The following LRATD1 variants were observed in gnomAD, a reference collection of about 807,000 sequenced individuals.
LRATD1 encodes the protein protein LRATD1.
LRATD1 carries 8 observed loss-of-function variants against 21.3 expected under a neutral mutation model. That is an observed-to-expected ratio of 0.38 (90% confidence interval 0.22 to 0.68). The LOEUF (loss-of-function observed/expected upper bound fraction) is 0.68, where lower values mean the gene tolerates loss of function less well. Among genes scored for constraint, LRATD1 ranks in the 30% least tolerant of loss-of-function variants. LRATD1 has a pLI of 0.54. For synonymous variants in LRATD1, 210 were observed against 186.2 expected (o/e 1.13, Z -1.04); for missense variants, 380 against 404.0 (o/e 0.94, Z 0.51).
chr2:14,637,301 AT>A lies in LRATD1; in HGVS notation c.*2444del, dbSNP rs559679442. Reference sequence around the variant, plus strand: ...AAAGAGTGGGACTTCATCAAAAGAAATGAATTAGTCTCTATCACACCGAATA... The same window carrying A: ...AAAGAGTGGGACTTCATCAAAAGAAAGAATTAGTCTCTATCACACCGAATA... On this transcript the variant is annotated 3_prime_UTR_variant, in exon 2 of 2. Coordinates refer to ENST00000295092, the MANE Select transcript of LRATD1 (RefSeq NM_145175.4). 5.4e-5 allele frequency: 9 copies of A among 167,090 alleles called. No individual in the cohort carries two copies. In the East Asian group the frequency reaches 1.5e-3, roughly 29 times the overall value. 10.4% of individuals were successfully genotyped at this position (167,090 alleles called of 1,614,324 possible).
At position 14,634,162 on chromosome 2, in the gene LRATD1, C is replaced by T. The variant is rs1171653964; in HGVS notation, c.183C>T (p.Cys61=). Residue 61 remains cysteine, a synonymous_variant, in exon 2 of 2, where the codon TGC becomes TGT. Transcript: ENST00000295092. ...TTGGCGTGAAGGCCCCCCCGGGTTG[C>T]ACCCCCTGCCCGGAGAGCCCCAGCC... The part of the protein sequence containing the change: ...DKFGVKAPPG[C]TPCPESPSRH... 1.2e-6 allele frequency: 2 copies of T among 1,613,608 alleles called. No homozygotes were observed. The highest frequency in any genetic ancestry group is 8.5e-7 in the Non-Finnish European group (1 of 1,179,980).
chr2:14,649,165 C>T (rs1193453692), intron 4 of LRATD1, among the ~76,000 whole-genome samples: 2 of 152,090 alleles, frequency 1.3e-5, no homozygotes, highest in Non-Finnish European at 2.9e-5. Context: ...CTCTAGACCC[C>T]ACTCCTCTAG....
Position 14,634,400 on chromosome 2 carries a change from G to C in LRATD1, c.421G>C (p.Ala141Pro), listed in dbSNP as rs777929560. 1 of 1,539,290 alleles carries C rather than the reference G, an allele frequency of 6.5e-7. No individual in the cohort carries two copies. Among genetic ancestry groups the C allele is most frequent in the Admixed American group, 2.0e-5 (1 of 50,566 alleles). The change falls in exon 2 of 2, where the codon GCC becomes CCC. Residue 141 changes from alanine to proline, a missense_variant. Transcript: ENST00000295092. Reference sequence around the variant, plus strand: ...GCCCGCGCCGGAGCCGCCCGCGCCCGCCCCGCACTGGGCCGTCTACGTGGG... The same window carrying C: ...GCCCGCGCCGGAGCCGCCCGCGCCCCCCCCGCACTGGGCCGTCTACGTGGG... ...LQPAPEPPAPAPHWAVYVGGG... is the reference protein window; with the variant it reads ...LQPAPEPPAPPPHWAVYVGGG...
downstream of LRATD1, chr2:14,640,062 T>C (rs1295598371): frequency 6.0e-6 from 1 of 167,110 alleles, no homozygotes; most frequent in Non-Finnish European, 1.5e-5. Context: ...TCTTGTCATT[T>C]GGTCAGAAAG....
rs1022759525 is a variant in LRATD1, at chr2:14,635,616, C to G, written c.*758C>G. On this transcript the variant is annotated 3_prime_UTR_variant, in exon 2 of 2. Transcript: ENST00000295092. ...CTGGCAGAAGGGAAGCCGGCCCGGT[C>G]CCGGGAGGAAGATGGCGCTGCGAAT... 1 of 470,858 alleles carries G rather than the reference C, an allele frequency of 2.1e-6. No homozygotes were observed. The highest frequency in any genetic ancestry group is 7.0e-5 in the East Asian group (1 of 14,384). 29.2% of individuals were successfully genotyped at this position (470,858 alleles called of 1,614,324 possible). A position where few individuals can be genotyped will look rare whatever the true frequency, so the allele number is the denominator to read the frequency against.
At position 14,634,644 on chromosome 2, in the gene LRATD1, G is replaced by C. The variant is rs1671638985; in HGVS notation, c.665G>C (p.Gly222Ala). 6.4e-7 allele frequency: 1 copy of C among 1,550,848 alleles called. No homozygotes were observed. The highest frequency in any genetic ancestry group is 8.7e-7 in the Non-Finnish European group (1 of 1,146,062). The change falls in exon 2 of 2, where the codon GGC (glycine) becomes GCC (alanine). Residue 222 changes from glycine to alanine, a missense_variant. Physicochemically the swap from Gly to Ala is moderately conservative, Grantham distance 60. Coordinates refer to ENST00000295092, the MANE Select transcript of LRATD1 (RefSeq NM_145175.4). ...SESFAAWCRF[G>A]KREFKAGGEV... ...AGCTTCGCCGCCTGGTGCCGCTTTG[G>C]CAAGCGGGAGTTCAAGGCGGGAGGG...
At position 14,638,533 on chromosome 2, in the gene LRATD1, T is replaced by A. The variant is rs542071065; in HGVS notation, c.*3675T>A. 4 of 167,146 alleles carry A rather than the reference T, an allele frequency of 2.4e-5. No homozygotes were observed. The highest frequency in any genetic ancestry group is 5.9e-5 in the Non-Finnish European group (4 of 68,088). The allele number at this position is 167,146 out of a possible 1,614,324, so 10.4% of individuals were successfully genotyped here. A position where few individuals can be genotyped will look rare whatever the true frequency, so the allele number is the denominator to read the frequency against. ...CTTGGAAAAATATGCTATTAGTATT[T>A]ACAAAATAATTAATTACCTGAATAA... On this transcript the variant is annotated 3_prime_UTR_variant, in exon 2 of 2. Coordinates refer to ENST00000295092, the MANE Select transcript of LRATD1 (RefSeq NM_145175.4).
chr2:14,637,015 AAAC>A lies in LRATD1; in HGVS notation c.*2162_*2164del, dbSNP rs1172771437. The A allele has an allele frequency of 1.8e-5, 3 of 167,124 alleles. No individual in the cohort carries two copies. Among genetic ancestry groups the A allele is most frequent in the Non-Finnish European group, 4.4e-5 (3 of 68,124 alleles). 10.4% of individuals were successfully genotyped at this position (167,124 alleles called of 1,614,324 possible). ...AATGCATATGCTTTTCTTTCAGCAC[AAAC>A]AACAGCAAAAACTTTTGTAATAACT... On this transcript the variant is annotated 3_prime_UTR_variant, in exon 2 of 2. Coordinates refer to ENST00000295092, the MANE Select transcript of LRATD1 (RefSeq NM_145175.4).
chr2:14,635,633 G>T lies in LRATD1; in HGVS notation c.*775G>T, dbSNP rs1440080258. The T allele has an allele frequency of 4.2e-6, 2 of 470,622 alleles. No homozygotes were observed. 29.2% of individuals were successfully genotyped at this position (470,622 alleles called of 1,614,324 possible). A position where few individuals can be genotyped will look rare whatever the true frequency, so the allele number is the denominator to read the frequency against. ...GGCCCGGTCCCGGGAGGAAGATGGC[G>T]CTGCGAATTCGGTGAGGACAGCCGG... On this transcript the variant is annotated 3_prime_UTR_variant, in exon 2 of 2. Coordinates refer to ENST00000295092, the MANE Select transcript of LRATD1 (RefSeq NM_145175.4).
Position 14,639,630 on chromosome 2 carries a change from G to T in LRATD1, c.*4772G>T, listed in dbSNP as rs1256384968. The T allele has an allele frequency of 6.0e-6, 1 of 167,104 alleles. No homozygotes were observed. Among genetic ancestry groups the T allele is most frequent in the Non-Finnish European group, 1.5e-5 (1 of 68,126 alleles). The allele number at this position is 167,104 out of a possible 1,614,324, so 10.4% of individuals were successfully genotyped here. The stretch of plus-strand genomic sequence containing the variant: ...TAAGTTGGGAAAAAAAGGAAAAATA[G>T]TCTTCCCTGCCCTTGTCACTGATGG... On this transcript the variant is annotated 3_prime_UTR_variant, in exon 2 of 2. Coordinates refer to ENST00000295092, the MANE Select transcript of LRATD1 (RefSeq NM_145175.4).
rs1424152191 is a variant in LRATD1 at position 14,638,022 on chromosome 2, AT to A, written c.*3166del. 6.0e-6 allele frequency: 1 copy of A among 166,942 alleles called. No homozygotes were observed. The highest frequency in any genetic ancestry group is 6.5e-5 in the Admixed American group (1 of 15,272). The allele number at this position is 166,942 out of a possible 1,614,324, so 10.3% of individuals were successfully genotyped here. Reference sequence around the variant, plus strand: ...TAGAGAAAAGCTATATTTATACTGCATTCTTTCTCAACTTTCAGGTAAAACA... The same window carrying A: ...TAGAGAAAAGCTATATTTATACTGCATCTTTCTCAACTTTCAGGTAAAACA... On this transcript the variant is annotated 3_prime_UTR_variant, in exon 2 of 2. Transcript: ENST00000295092.
chr2:14,646,448 G>A (rs950145306), exon 4 of LRATD1: 12 of 152,050 alleles, frequency 7.9e-5, no homozygotes, highest in Non-Finnish European at 1.6e-4. Context: ...CGTCTGTGTC[G>A]GTAACCAGGG....
chr2:14,649,720 G>A (rs114996727), downstream of LRATD1: 1,361 of 176,334 alleles, frequency 7.7e-3, 15 homozygotes, highest in African/African-American at 0.026. Flanking sequence ...TGGACTCACA[G>A]TGCACCACCA....
Position 14,634,208 on chromosome 2 carries a change from C to G in LRATD1, c.229C>G (p.His77Asp). The part of the protein sequence containing the change: ...SPSRHHHHLL[H>D]QLVLNETQFS... ...CAGCCGCCACCACCACCACCTGCTGCACCAGCTGGTCCTCAACGAGACTCA... is the reference window on the plus strand; with the variant it reads ...CAGCCGCCACCACCACCACCTGCTGGACCAGCTGGTCCTCAACGAGACTCA... Residue 77 changes from histidine to aspartate, a missense_variant, in exon 2 of 2, where the codon CAC becomes GAC. Physicochemically the swap from His to Asp is moderately conservative, Grantham distance 81. Coordinates refer to ENST00000295092, the MANE Select transcript of LRATD1 (RefSeq NM_145175.4). 1 of 1,613,322 alleles carries G rather than the reference C, an allele frequency of 6.2e-7. No homozygotes were observed. The highest frequency in any genetic ancestry group is 1.1e-5 in the South Asian group (1 of 91,068).
Position 14,638,979 on chromosome 2 carries a change from TATAC to T in LRATD1, c.*4127_*4130del, listed in dbSNP as rs1671751340. 1 of 166,834 alleles carries T rather than the reference TATAC, an allele frequency of 6.0e-6. No homozygotes were observed. The highest frequency in any genetic ancestry group is 1.5e-5 in the Non-Finnish European group (1 of 68,088). 10.3% of individuals were successfully genotyped at this position (166,834 alleles called of 1,614,324 possible). On this transcript the variant is annotated 3_prime_UTR_variant, in exon 2 of 2. Transcript: ENST00000295092. ...ATATACATATATGTACATGTATACA[TATAC>T]ATACACACATATGTACATTTACACA...
rs1558253939 is a variant in LRATD1 at position 14,634,093 on chromosome 2, G to A, written c.114G>A (p.Ser38=). ...GGGTCGGGGTTGCCTACTTCTTCTC[G>A]GATGATGAGGAAGACCTGGACGAAC... ...ELRVGVAYFF[S]DDEEDLDERG... The change falls in exon 2 of 2, where the codon TCG becomes TCA. Residue 38 remains serine (S), a synonymous_variant. Transcript: ENST00000295092. 1 of 1,614,132 alleles carries A rather than the reference G, an allele frequency of 6.2e-7. No individual in the cohort carries two copies. The highest frequency in any genetic ancestry group is 2.2e-5 in the East Asian group (1 of 44,844).
Position 14,633,782 on chromosome 2 carries a change from G to C in LRATD1, c.-36-162G>C. On this transcript the variant is annotated intron_variant, in intron 1 of 1. Coordinates refer to ENST00000295092, the MANE Select transcript of LRATD1 (RefSeq NM_145175.4). The surrounding 1 kb of genome is among the most constrained non-coding windows in gnomAD (Gnocchi z 7.5). ...ACCTGTGGCGGCTTCTCCGCCCCTC[G>C]TACCCCTGGGGAGGCACGGAGGACT... 1 of 684,712 alleles carries C rather than the reference G, an allele frequency of 1.5e-6. No homozygotes were observed. The allele number at this position is 684,712 out of a possible 1,614,324, so 42.4% of individuals were successfully genotyped here. A position where few individuals can be genotyped will look rare whatever the true frequency, so the allele number is the denominator to read the frequency against.
In LRATD1 at chr2:14,638,858, CTT is replaced by C. The variant is rs1671748766; in HGVS notation, c.*4003_*4004del. 2 of 166,946 alleles carry C rather than the reference CTT, an allele frequency of 1.2e-5. No individual in the cohort carries two copies. The highest frequency in any genetic ancestry group is 2.9e-5 in the Non-Finnish European group (2 of 68,060). The allele number at this position is 166,946 out of a possible 1,614,324, so 10.3% of individuals were successfully genotyped here. On this transcript the variant is annotated 3_prime_UTR_variant, in exon 2 of 2. Coordinates refer to ENST00000295092, the MANE Select transcript of LRATD1 (RefSeq NM_145175.4). Reference sequence around the variant, plus strand: ...AAGGGTCTGTAGGTGAAAAGACAGGCTTTTGGGTTTCTTGAAACATCAAAAAC... The same window carrying C: ...AAGGGTCTGTAGGTGAAAAGACAGGCTTGGGTTTCTTGAAACATCAAAAAC...
At chr2:14,648,931 G>A (rs1671944346) in intron 4 of LRATD1, among the ~76,000 whole-genome samples, 1 of 152,132 alleles carries the variant, frequency 6.6e-6, no homozygotes, top group African/African-American at 2.4e-5. Flanking sequence ...TTTCTCCCCT[G>A]TCACTGGGTA....
Sources: allele counts gnomAD v4.1 joint callset (sites outside exome capture counted in the v4.1 genomes callset), GRCh38; gene constraint gnomAD v4.1.1; non-coding constraint Gnocchi (gnomAD v3.1); transcripts MANE v1.5; gene names NCBI Gene and HGNC (gene_info 2026-07-23, HGNC 2026-07-21).